MPP7: variants seen among roughly 807,000 people sequenced by gnomAD.
MPP7 encodes the protein MAGUK p55 scaffold protein 7, also known as MAGUK p55 subfamily member 7.
In MPP7, 60 loss-of-function variants were observed where a neutral mutation model predicts 76.5. The observed-to-expected ratio is 0.78, with a 90% CI of 0.64 to 0.97. The LOEUF is 0.97. MPP7 is among the 50% of genes least tolerant of loss of function. The probability of loss-of-function intolerance (pLI) is 0.00; values close to 1 mark genes in which losing one functional copy is unlikely to be tolerated. For missense variants in MPP7, 641 were observed against 694.0 expected (o/e 0.92, Z 0.86); for synonymous variants, 237 against 244.5 (o/e 0.97, Z 0.29).
At chr10:28,123,291 T>C (rs1216278621) in intron 8 of MPP7, among the ~76,000 whole-genome samples, 1 of 152,098 alleles carries the variant, frequency 6.6e-6, no homozygotes, top group African/African-American at 2.4e-5. Context: ...TTTATTCAAG[T>C]GTCAGATTTC....
intron 5 of MPP7, among the ~76,000 whole-genome samples, chr10:28,143,278 A>G (rs1314779126): frequency 6.6e-6 from 1 of 152,210 alleles, no homozygotes; most frequent in African/African-American, 2.4e-5. Context: ...ACATATAAGC[A>G]TAGGAAAAGA....
At chr10:28,069,128 G>A (rs1852107502) in intron 13 of MPP7, among the ~76,000 whole-genome samples, 1 of 152,096 alleles carries the variant, frequency 6.6e-6, no homozygotes, top group Non-Finnish European at 1.5e-5. Flanking sequence ...AAAGAAAATA[G>A]TTACAAAGAA....
At chr10:28,229,807 T>C (rs1354265123) in intron 2 of MPP7, among the ~76,000 whole-genome samples, 3 of 151,716 alleles carry the variant, frequency 2.0e-5, no homozygotes. Flanking sequence ...GAGAATGGCG[T>C]GAACCCGGGA....
chr10:28,103,131 T>TG (rs1211318247), intron 11 of MPP7, among the ~76,000 whole-genome samples: 11 of 123,710 alleles, frequency 8.9e-5, no homozygotes, highest in Admixed American at 1.7e-4. Flanking sequence ...CACATGCTGT[T>TG]GGGGGGTCAG....
chr10:28,223,458 T>C (rs1250506752), intron 2 of MPP7, among the ~76,000 whole-genome samples: 3 of 152,212 alleles, frequency 2.0e-5, no homozygotes, highest in Non-Finnish European at 4.4e-5. Context: ...GCAGCATGAT[T>C]ATAATTTTTG....
intron 2 of MPP7, among the ~76,000 whole-genome samples, chr10:28,314,338 A>C (rs1841307083): frequency 6.6e-6 from 1 of 152,226 alleles, no homozygotes; most frequent in East Asian, 1.9e-4. Context: ...CATTTGCCTC[A>C]GGCCCTGTCC....
chr10:28,239,756 G>C (rs1473583655), intron 1 of MPP7, among the ~76,000 whole-genome samples: 1 of 152,102 alleles, frequency 6.6e-6, no homozygotes, highest in Non-Finnish European at 1.5e-5. Flanking sequence ...AAGAACAAGG[G>C]ATCTAGAGTT....
At chr10:28,191,647 A>G (rs774701172) in intron 3 of MPP7, among the ~76,000 whole-genome samples, 2 of 152,168 alleles carry the variant, frequency 1.3e-5, no homozygotes, top group Non-Finnish European at 2.9e-5. Context: ...AACAATCTAA[A>G]ATCTAAAACA....
At chr10:28,082,422 T>C (rs1588739805) in intron 12 of MPP7, among the ~76,000 whole-genome samples, 1 of 151,112 alleles carries the variant, frequency 6.6e-6, no homozygotes, top group East Asian at 2.0e-4. Context: ...TCCTCCTCCT[T>C]CTCTCCTTCT....
At chr10:28,187,222 T>A (rs936339012) in intron 3 of MPP7, among the ~76,000 whole-genome samples, 4 of 152,156 alleles carry the variant, frequency 2.6e-5, no homozygotes, top group African/African-American at 9.7e-5. Flanking sequence ...TGGCTCCCAA[T>A]TTCTCATCCT....
At chr10:28,274,765 C>T (rs1840439947) in intron 1 of MPP7, among the ~76,000 whole-genome samples, 1 of 152,148 alleles carries the variant, frequency 6.6e-6, no homozygotes, top group Non-Finnish European at 1.5e-5. Flanking sequence ...AATCTAAATG[C>T]CTCTGAAAAT....
At chr10:28,139,611 T>A (rs1835449002) in intron 5 of MPP7, among the ~76,000 whole-genome samples, 1 of 152,130 alleles carries the variant, frequency 6.6e-6, no homozygotes, top group Admixed American at 6.6e-5. Flanking sequence ...TTCTTAATCT[T>A]TAAAAGAGTT....
chr10:28,173,124 C>T (rs1836739890), intron 3 of MPP7, among the ~76,000 whole-genome samples: 1 of 151,634 alleles, frequency 6.6e-6, no homozygotes, highest in South Asian at 2.1e-4. Context: ...GTAGTGGTTC[C>T]CCAGACAGGA....
intron 5 of MPP7, among the ~76,000 whole-genome samples, chr10:28,132,122 C>T (rs1588826727): frequency 6.6e-6 from 1 of 152,272 alleles, no homozygotes; most frequent in East Asian, 1.9e-4. Context: ...TTCTTTCCTA[C>T]TATTTTTTCT....
chr10:28,304,103 T>C (rs1412524162), upstream of MPP7, among the ~76,000 whole-genome samples: 1 of 152,000 alleles, frequency 6.6e-6, no homozygotes, highest in Admixed American at 6.5e-5. Flanking sequence ...CACTTCAAGA[T>C]GTGATAGAGA....
chr10:28,219,770 C>T (rs957239087), intron 2 of MPP7, among the ~76,000 whole-genome samples: 15 of 152,080 alleles, frequency 9.9e-5, no homozygotes, highest in African/African-American at 2.2e-4. Context: ...CATATATCGA[C>T]GCCCAGAACA....
intron 11 of MPP7, among the ~76,000 whole-genome samples, chr10:28,099,163 A>C (rs142674047): frequency 2.6e-5 from 4 of 152,264 alleles, no homozygotes; most frequent in African/African-American, 9.6e-5. Flanking sequence ...TTAACATAAA[A>C]GGCCCTCAAG....
rs780838150 is a variant in MPP7, at chr10:28,131,625, C to A, written c.382G>T (p.Glu128Ter). Residue 128 changes from glutamate to a stop codon, truncating the protein, a stop_gained, in exon 6 of 17, where the codon GAA becomes TAA. Coordinates refer to ENST00000683449, the MANE Select transcript of MPP7 (RefSeq NM_001318170.2). LOFTEE classifies it high-confidence loss of function. ...NYDPVLPPMP[E>*]DIDDEEDSVK... is the part of the protein sequence containing the mutation. Reference sequence around the variant, plus strand: ...GAGTCTTCCTCATCGTCAATATCTTCAGGCATAGGAGGCAACACTGGGTCG... The same window carrying A: ...GAGTCTTCCTCATCGTCAATATCTTAAGGCATAGGAGGCAACACTGGGTCG... 1 of 1,607,158 alleles carries A rather than the reference C, an allele frequency of 6.2e-7. No individual in the cohort carries two copies. Among genetic ancestry groups the A allele is most frequent in the South Asian group, 1.1e-5 (1 of 90,968 alleles).
intron 2 of MPP7, among the ~76,000 whole-genome samples, chr10:28,204,733 T>C (rs891437887): frequency 6.6e-6 from 1 of 152,364 alleles, no homozygotes; most frequent in African/African-American, 2.4e-5. Flanking sequence ...GCAATTCATA[T>C]GGCAGCATTT....
Sources: allele counts gnomAD v4.1 joint callset (sites outside exome capture counted in the v4.1 genomes callset), GRCh38; gene constraint gnomAD v4.1.1; transcripts MANE v1.5; gene names NCBI Gene and HGNC (gene_info 2026-07-23, HGNC 2026-07-21).